Variants in AMMECR1 observed in about 807,000 individuals in gnomAD.
AMMECR1 encodes AMMECR nuclear protein 1.
In AMMECR1, 3 loss-of-function variants were observed where a neutral mutation model predicts 22.5. The ratio of observed to expected loss-of-function variants is 0.13; its 90% CI spans 0.06 to 0.35. The LOEUF (loss-of-function observed/expected upper bound fraction) is 0.35. Among genes scored for constraint, AMMECR1 ranks in the 10% least tolerant of loss-of-function variants. AMMECR1 has a pLI of 1.00. For synonymous variants in AMMECR1, 130 were observed against 116.7 expected (o/e 1.11, Z -0.74); for missense variants, 235 against 278.7 (o/e 0.84, Z 1.12).
chrX:110,348,558 T>G (rs1192968184), intron 2 of AMMECR1, among the ~76,000 whole-genome samples: 1 of 112,324 alleles, frequency 8.9e-6, no homozygotes, highest in Admixed American at 9.5e-5. Flanking sequence ...TTGAGAGCAA[T>G]TATTAAAGAT....
Position 110,426,913 on chromosome X carries a change from G to A in AMMECR1, c.-293-110C>T, listed in dbSNP as rs1312274127. The A allele has an allele frequency of 3.6e-5, 4 of 112,341 alleles. No individual in the cohort carries two copies. In the East Asian group the frequency reaches 1.1e-3, roughly 31 times the overall value. 9.3% of individuals were successfully genotyped at this position (112,341 alleles called of 1,213,427 possible). ...CCCCCTCTCCCATGTCCTACCCTAA[G>A]CCTGGTAACACATTTAACTTTTTGT... On this transcript the variant is annotated intron_variant, in intron 1 of 7. Transcript: ENST00000372057.
intron 2 of AMMECR1, among the ~76,000 whole-genome samples, chrX:110,239,142 T>G (rs2067617169): frequency 1.8e-5 from 2 of 110,943 alleles, no homozygotes; most frequent in Non-Finnish European, 3.8e-5. Context: ...ACGCCTCTTC[T>G]CCTCCAAAGG....
chrX:110,405,760 T>C (rs971133021), intron 2 of AMMECR1, among the ~76,000 whole-genome samples: 12 of 111,470 alleles, frequency 1.1e-4, no homozygotes, highest in African/African-American at 3.9e-4. Context: ...CCAAAGAAGT[T>C]AGACAACCTG....
At chrX:110,371,345 A>G (rs917155289) in intron 2 of AMMECR1, among the ~76,000 whole-genome samples, 1 of 111,800 alleles carries the variant, frequency 8.9e-6, no homozygotes, top group Non-Finnish European at 1.9e-5. Flanking sequence ...AAATAAACAC[A>G]TCATGAAGAA....
intron 2 of AMMECR1, among the ~76,000 whole-genome samples, chrX:110,256,623 A>C (rs979475081): frequency 1.8e-5 from 2 of 111,461 alleles, no homozygotes; most frequent in African/African-American, 6.5e-5. Context: ...ATGCAAGATA[A>C]AGGACTTACG....
rs1298897648 is a variant in AMMECR1 at position 110,197,335 on chromosome X, A to T, written c.*1185T>A. 4 of 112,443 alleles carry T rather than the reference A, an allele frequency of 3.6e-5. No individual in the cohort carries two copies. Among genetic ancestry groups the T allele is most frequent in the African/African-American group, 9.7e-5 (3 of 30,980 alleles). 9.3% of individuals were successfully genotyped at this position (112,443 alleles called of 1,213,427 possible). On this transcript the variant is annotated 3_prime_UTR_variant, in exon 6 of 6. Transcript: ENST00000262844. ...CCCCATGACAAACATATCTGAAATC[A>T]TGGCAAATATGAACTTTTGTTTTAC...
chrX:110,349,038 C>A (rs2068201414), intron 2 of AMMECR1, among the ~76,000 whole-genome samples: 1 of 111,587 alleles, frequency 9.0e-6, no homozygotes, highest in African/African-American at 3.3e-5. Context: ...ATCTCATTGG[C>A]CTTAAAAGAA....
At chrX:110,326,549 A>T (rs763674120) in intron 2 of AMMECR1, among the ~76,000 whole-genome samples, 1 of 111,803 alleles carries the variant, frequency 8.9e-6, no homozygotes, top group Non-Finnish European at 1.9e-5. Context: ...ATCCTGAAGA[A>T]TGTTTCATGT....
At chrX:110,317,453 C>T in intron 1 of AMMECR1, 146 bp downstream of exon 1, 1 of 983,385 alleles carries the variant, frequency 1.0e-6, no homozygotes, top group Non-Finnish European at 1.3e-6. Flanking sequence ...GCGCAGGGTG[C>T]CCTTAGTTCA....
intron 2 of AMMECR1, among the ~76,000 whole-genome samples, chrX:110,347,089 A>G (rs2068193644): frequency 8.8e-6 from 1 of 113,177 alleles, no homozygotes. Flanking sequence ...GACATATAGT[A>G]TTCCCTCAGT....
intron 2 of AMMECR1, among the ~76,000 whole-genome samples, chrX:110,348,556 A>T (rs2068199466): frequency 8.9e-6 from 1 of 112,471 alleles, no homozygotes; most frequent in Admixed American, 9.4e-5. Flanking sequence ...TCTTGAGAGC[A>T]ATTATTAAAG....
intron 1 of AMMECR1, chrX:110,307,256 A>T (rs1320326184): frequency 3.6e-5 from 4 of 110,200 alleles, no homozygotes; most frequent in African/African-American, 1.3e-4. Context: ...CAAAAAAAAA[A>T]AAAAAAAGTA....
intron 1 of AMMECR1, among the ~76,000 whole-genome samples, chrX:110,269,524 T>C (rs2067787420): frequency 1.0e-5 from 1 of 98,590 alleles, no homozygotes; most frequent in African/African-American, 3.6e-5. Context: ...AGGTTATTTA[T>C]ATTGGGGGGG....
intron 2 of AMMECR1, among the ~76,000 whole-genome samples, chrX:110,258,048 C>T (rs2067719662): frequency 8.9e-6 from 1 of 112,093 alleles, no homozygotes; most frequent in African/African-American, 3.2e-5. Flanking sequence ...CTTCTCTCAA[C>T]ACTACCTTTT....
intron 2 of AMMECR1, among the ~76,000 whole-genome samples, chrX:110,223,648 T>G (rs905770539): frequency 8.9e-6 from 1 of 111,918 alleles, no homozygotes; most frequent in Non-Finnish European, 1.9e-5. Context: ...AACCACCTCT[T>G]GAACTGAATT....
intron 2 of AMMECR1, among the ~76,000 whole-genome samples, chrX:110,325,431 T>C (rs2068094362): frequency 8.9e-6 from 1 of 112,208 alleles, no homozygotes; most frequent in African/African-American, 3.2e-5. Flanking sequence ...CACTCCCCTC[T>C]CCCTCACAGG....
At chrX:110,246,011 AT>A (rs1446272164) in intron 2 of AMMECR1, among the ~76,000 whole-genome samples, 6 of 112,509 alleles carry the variant, frequency 5.3e-5, no homozygotes, top group Non-Finnish European at 9.4e-5. Context: ...TTATAAAGTG[AT>A]TGTAAATTGC....
chrX:110,340,758 A>C (rs1451484175), intron 2 of AMMECR1, among the ~76,000 whole-genome samples: 1 of 112,606 alleles, frequency 8.9e-6, no homozygotes, highest in Non-Finnish European at 1.9e-5. Context: ...AATTCAATGG[A>C]GATTTTAATA....
upstream of AMMECR1, among the ~76,000 whole-genome samples, chrX:110,318,886 T>TA (rs2068068161): frequency 8.9e-6 from 1 of 112,283 alleles, no homozygotes; most frequent in African/African-American, 3.2e-5. Context: ...AAGCCAAAAA[T>TA]AAAGTCCTAA....
Sources: gnomAD v4.1 joint callset for allele counts (sites outside exome capture counted in the v4.1 genomes callset) on GRCh38, gnomAD v4.1.1 for gene constraint, MANE v1.5 for transcripts, NCBI Gene and HGNC (gene_info 2026-07-23, HGNC 2026-07-21) for gene names.